Variants in PRKCB observed in about 807,000 individuals in gnomAD.
PRKCB encodes the protein protein kinase C beta type.
A neutral mutation model predicts 81.5 loss-of-function variants in PRKCB; 13 were observed. That is an observed-to-expected ratio of 0.16 (90% confidence interval 0.10 to 0.25). The LOEUF is 0.25. Ranked by LOEUF, PRKCB falls within the 10% of genes least tolerant of loss-of-function variation. PRKCB has a pLI of 1.00. For synonymous variants in PRKCB, 335 were observed against 321.4 expected (o/e 1.04, Z -0.45); for missense variants, 509 against 875.7 (o/e 0.58, Z 5.29).
At chr16:24,115,670 TAGCATTTATCCCAAGAGCATTTACCCAAG>T (rs1409064264) in intron 8 of PRKCB, among the ~76,000 whole-genome samples, 2 of 152,312 alleles carry the variant, frequency 1.3e-5, no homozygotes, top group Non-Finnish European at 2.9e-5. Context: ...CCAAAGATTT[TAGCATTTATCCCAAGAGCATTTACCCAAG>T]AGCATTTATC....
intron 3 of PRKCB, among the ~76,000 whole-genome samples, chr16:24,008,224 A>G (rs1011758245): frequency 1.3e-5 from 2 of 152,214 alleles, no homozygotes; most frequent in Non-Finnish European, 2.9e-5. Context: ...CCGTGGGGCT[A>G]TGCTCTTACC....
At chr16:23,850,603 G>T (rs1170231557) in intron 2 of PRKCB, among the ~76,000 whole-genome samples, 9 of 152,194 alleles carry the variant, frequency 5.9e-5, no homozygotes, top group Non-Finnish European at 1.0e-4. Context: ...GACCTCAGGT[G>T]ATCCACCTGC....
chr16:24,174,127 A>T, intron 11 of PRKCB: 1 of 171,796 alleles, frequency 5.8e-6, no homozygotes, highest in Admixed American at 5.8e-5. Context: ...CTCTTGCCTC[A>T]GCCTTCCGAG....
intron 3 of PRKCB, among the ~76,000 whole-genome samples, chr16:24,013,797 G>A (rs1428569994): frequency 4.5e-5 from 4 of 88,030 alleles, no homozygotes; most frequent in South Asian, 4.2e-4. Flanking sequence ...AAAAAAAAAA[G>A]TATAGACATC....
intron 8 of PRKCB, among the ~76,000 whole-genome samples, chr16:24,117,360 G>T (rs998687907): frequency 2.0e-5 from 3 of 152,208 alleles, no homozygotes; most frequent in African/African-American, 7.2e-5. Context: ...GGGGCTTTCA[G>T]TCGACCGTGG....
At chr16:23,922,983 T>A (rs1455403557) in intron 2 of PRKCB, among the ~76,000 whole-genome samples, 1 of 152,134 alleles carries the variant, frequency 6.6e-6, no homozygotes, top group Admixed American at 6.6e-5. Flanking sequence ...GTTACCTTTT[T>A]TTCCTGCCTC....
intron 7 of PRKCB, among the ~76,000 whole-genome samples, chr16:24,101,815 G>C (rs1966511804): frequency 2.0e-5 from 3 of 152,206 alleles, no homozygotes; most frequent in South Asian, 4.1e-4. Context: ...CTAAGGCTGA[G>C]AGCAGGGAAG....
chr16:23,964,332 T>G (rs878880112), intron 2 of PRKCB, among the ~76,000 whole-genome samples: 2 of 152,208 alleles, frequency 1.3e-5, no homozygotes, highest in Admixed American at 1.3e-4. Flanking sequence ...CAGAATTTTG[T>G]GGGAACACAG....
chr16:24,215,773 A>G lies in PRKCB; in HGVS notation c.*957A>G, dbSNP rs1161631691. On this transcript the variant is annotated 3_prime_UTR_variant, in exon 17 of 17. Transcript: ENST00000643927. The stretch of plus-strand genomic sequence containing the variant: ...CAAGAAGACGGCTGCGGAGCCTAGC[A>G]GACTCAGGCCTGTGGGAATGGGATT... 5.1e-6 allele frequency: 5 copies of G among 985,872 alleles called. No individual in the cohort carries two copies. The highest frequency in any genetic ancestry group is 6.0e-6 in the Non-Finnish European group (5 of 829,938). 61.1% of individuals were successfully genotyped at this position (985,872 alleles called of 1,614,324 possible).
At chr16:23,972,722 A>G (rs984378317) in intron 2 of PRKCB, among the ~76,000 whole-genome samples, 10 of 152,198 alleles carry the variant, frequency 6.6e-5, no homozygotes, top group African/African-American at 2.4e-4. Context: ...AAGGGGAAAC[A>G]TTGGGGAGAA....
chr16:23,990,125 C>G (rs1003077590), intron 3 of PRKCB, among the ~76,000 whole-genome samples: 2 of 152,152 alleles, frequency 1.3e-5, no homozygotes, highest in African/African-American at 4.8e-5. Flanking sequence ...TGATACCACT[C>G]ACAGTCCTTT....
chr16:24,071,239 A>G (rs1966103626), intron 5 of PRKCB, among the ~76,000 whole-genome samples: 1 of 152,024 alleles, frequency 6.6e-6, no homozygotes, highest in African/African-American at 2.4e-5. Context: ...CTCTGCCTTC[A>G]GACCTCTCAG....
At chr16:24,108,142 C>T (rs529149542) in intron 7 of PRKCB, among the ~76,000 whole-genome samples, 1 of 151,258 alleles carries the variant, frequency 6.6e-6, no homozygotes, top group South Asian at 2.1e-4. Flanking sequence ...CCTTGATTTC[C>T]TTGATTTCCA....
At position 24,216,973 on chromosome 16, in the gene PRKCB, T is replaced by C; in HGVS notation, c.*2157T>C. On this transcript the variant is annotated 3_prime_UTR_variant, in exon 17 of 17. Transcript: ENST00000643927. Reference sequence around the variant, plus strand: ...AGGCCCTTATCTGGTGGTTGGATCATGATCCCATTTTGCTTGGACATGCTC... The same window carrying C: ...AGGCCCTTATCTGGTGGTTGGATCACGATCCCATTTTGCTTGGACATGCTC... 4.1e-6 allele frequency: 4 copies of C among 985,392 alleles called. No homozygotes were observed. Among genetic ancestry groups the C allele is most frequent in the Non-Finnish European group, 4.8e-6 (4 of 829,942 alleles). The allele number at this position is 985,392 out of a possible 1,614,324, so 61.0% of individuals were successfully genotyped here.
chr16:24,181,162 C>G (rs558078069), intron 13 of PRKCB, among the ~76,000 whole-genome samples: 2 of 152,242 alleles, frequency 1.3e-5, no homozygotes, highest in East Asian at 3.9e-4. Flanking sequence ...TAAATAAAAC[C>G]CAAAAGAACC....
intron 5 of PRKCB, among the ~76,000 whole-genome samples, chr16:24,053,441 T>C (rs1965865949): frequency 6.6e-6 from 1 of 152,226 alleles, no homozygotes; most frequent in Non-Finnish European, 1.5e-5. Flanking sequence ...TAAAACTTTA[T>C]TTACAAAAAC....
chr16:24,148,792 A>G (rs1298254813), intron 9 of PRKCB, among the ~76,000 whole-genome samples: 1 of 152,200 alleles, frequency 6.6e-6, no homozygotes, highest in Non-Finnish European at 1.5e-5. Context: ...TTTTGTAAAT[A>G]AAGTTTTATT....
intron 2 of PRKCB, among the ~76,000 whole-genome samples, chr16:23,928,484 G>T (rs1166639253): frequency 6.6e-6 from 1 of 152,096 alleles, no homozygotes; most frequent in African/African-American, 2.4e-5. Flanking sequence ...CATGCAGTCG[G>T]GGACCCTCTG....
At chr16:24,170,769 A>G (rs1967429982) in intron 10 of PRKCB, among the ~76,000 whole-genome samples, 1 of 152,230 alleles carries the variant, frequency 6.6e-6, no homozygotes, top group South Asian at 2.1e-4. Flanking sequence ...ACAGAGCTGG[A>G]TTTCCAAATG....
Sources: allele counts gnomAD v4.1 joint callset (sites outside exome capture counted in the v4.1 genomes callset), GRCh38; gene constraint gnomAD v4.1.1; transcripts MANE v1.5; gene names NCBI Gene and HGNC (gene_info 2026-07-23, HGNC 2026-07-21).